The following ZNF362 variants were observed in gnomAD, a reference collection of about 807,000 sequenced individuals.
ZNF362 encodes zinc finger protein 362.
A neutral mutation model predicts 42.9 loss-of-function variants in ZNF362; 11 were observed. The ratio of observed to expected loss-of-function variants is 0.26; its 90% CI spans 0.16 to 0.42. ZNF362 has a LOEUF of 0.42. Ranked by LOEUF, ZNF362 falls within the 20% of genes least tolerant of loss-of-function variation. ZNF362 has a pLI of 1.00. For missense variants in ZNF362, 362 were observed against 576.2 expected (o/e 0.63, Z 3.81); for synonymous variants, 255 against 257.3 (o/e 0.99, Z 0.09).
Position 33,276,430 on chromosome 1 carries a change from CG to C in ZNF362, c.187del (p.Ala63ProfsTer8). Reference sequence around the variant, plus strand: ...AGGCCGCCTCACCTGCCGCCCACGTCGGCCTCGTCGCAGCAGCCGTTGCTAG... The same window carrying C: ...AGGCCGCCTCACCTGCCGCCCACGTCGCCTCGTCGCAGCAGCCGTTGCTAG... ...KIRPPHLPPT[S>X]ASSQQPLLVP... On this transcript the variant is annotated frameshift_variant, in exon 4 of 9. Transcript: ENST00000539719. LOFTEE classifies it high-confidence loss of function. 6.3e-7 allele frequency: 1 copy of C among 1,581,612 alleles called. No individual in the cohort carries two copies. Among genetic ancestry groups the C allele is most frequent in the Non-Finnish European group, 8.6e-7 (1 of 1,165,324 alleles).
the ZNF362 span, among the ~76,000 whole-genome samples, chr1:33,135,968 CT>C: frequency 2.2e-5 from 3 of 136,836 alleles, no homozygotes; most frequent in African/African-American, 8.0e-5. Context: ...GTATTTCTTT[CT>C]TTGGGACTTG....
At chr1:33,132,239 C>A in the ZNF362 span, among the ~76,000 whole-genome samples, 4 of 152,338 alleles carry the variant, frequency 2.6e-5, no homozygotes, top group African/African-American at 9.6e-5. Context: ...TAAAAGGCAG[C>A]GTGAGCTCTC....
Position 33,266,800 on chromosome 1 carries a change from TG to T in ZNF362, c.-88-3682del, listed in dbSNP as rs1645867956. On this transcript the variant is annotated intron_variant, in intron 1 of 8. Coordinates refer to ENST00000539719, the MANE Select transcript of ZNF362 (RefSeq NM_152493.3). This position sits in a 1 kb window ranked among gnomAD's most constrained non-coding sequence, Gnocchi z 4.3. ...CATGGCACATCAGATCACCTTGTTCTGGGGGCCCTGATGCTGGAGGGATGCT... is the reference window on the plus strand; with the variant it reads ...CATGGCACATCAGATCACCTTGTTCTGGGGCCCTGATGCTGGAGGGATGCT... Among the ~76,000 whole-genome samples the T allele has an allele frequency of 6.6e-6, 1 of 152,186 alleles. No homozygotes were observed. Among genetic ancestry groups the T allele is most frequent in the South Asian group, 2.1e-4 (1 of 4,834 alleles).
the ZNF362 span, among the ~76,000 whole-genome samples, chr1:33,193,987 A>G: frequency 6.6e-6 from 1 of 152,226 alleles, no homozygotes; most frequent in Non-Finnish European, 1.5e-5. Context: ...GAACAACCTG[A>G]GAAATTTTAA....
chr1:33,272,285 G>A (rs1645910041), intron 2 of ZNF362, among the ~76,000 whole-genome samples: 1 of 152,182 alleles, frequency 6.6e-6, no homozygotes, highest in Non-Finnish European at 1.5e-5. Flanking sequence ...GAAGCTTATG[G>A]CTCACTTGTC....
chr1:33,241,691 AAAG>A, the ZNF362 span, among the ~76,000 whole-genome samples: 1 of 152,186 alleles, frequency 6.6e-6, no homozygotes, highest in Non-Finnish European at 1.5e-5. Flanking sequence ...ATCAAATCTC[AAAG>A]AAGAGAGTTG....
At chr1:33,169,919 A>G in the ZNF362 span, among the ~76,000 whole-genome samples, 1 of 152,116 alleles carries the variant, frequency 6.6e-6, no homozygotes, top group South Asian at 2.1e-4. Context: ...CAAGACCCAG[A>G]TCAAATGTCA....
rs531793855 is a variant in ZNF362 at position 33,278,063 on chromosome 1, A to G, written c.349+1469A>G. On this transcript the variant is annotated intron_variant, in intron 4 of 8. Coordinates refer to ENST00000539719, the MANE Select transcript of ZNF362 (RefSeq NM_152493.3). Reference sequence around the variant, plus strand: ...AGCCGCACTCTGTATGTCCCCTGTTATTATGATTTTATTAAATTTATTTTT... The same window carrying G: ...AGCCGCACTCTGTATGTCCCCTGTTGTTATGATTTTATTAAATTTATTTTT... Among the ~76,000 whole-genome samples, 7 of 152,362 alleles carry G rather than the reference A, an allele frequency of 4.6e-5. No homozygotes were observed. The East Asian group carries it at 9.6e-4, about 21-fold the overall frequency.
At chr1:33,227,066 G>T in the ZNF362 span, among the ~76,000 whole-genome samples, 1 of 152,062 alleles carries the variant, frequency 6.6e-6, no homozygotes, top group Non-Finnish European at 1.5e-5. Flanking sequence ...TAGGGTACAA[G>T]GTTTCTTTTT....
the ZNF362 span, among the ~76,000 whole-genome samples, chr1:33,139,724 C>T: frequency 2.6e-5 from 4 of 152,160 alleles, no homozygotes; most frequent in South Asian, 6.2e-4. Context: ...GGCTGTGGTG[C>T]GTGGCCATTA....
chr1:33,172,034 G>A, the ZNF362 span, among the ~76,000 whole-genome samples: 87 of 152,192 alleles, frequency 5.7e-4, no homozygotes, highest in Non-Finnish European at 5.9e-4. Context: ...TGCCTACCTT[G>A]GCCTCCCAAA....
chr1:33,149,572 A>G, the ZNF362 span, among the ~76,000 whole-genome samples: 1 of 152,078 alleles, frequency 6.6e-6, no homozygotes, highest in Non-Finnish European at 1.5e-5. Flanking sequence ...CTCCTGCTTC[A>G]GCCTCTTGAG....
intron 2 of ZNF362, among the ~76,000 whole-genome samples, chr1:33,272,052 TC>T (rs35937563): frequency 0.16 from 24,876 of 152,026 alleles, 2,518 homozygotes; most frequent in South Asian, 0.26. Flanking sequence ...GAGAGGGGGC[TC>T]CCGCTCTGTC....
At chr1:33,196,807 T>C in the ZNF362 span, among the ~76,000 whole-genome samples, 1 of 152,158 alleles carries the variant, frequency 6.6e-6, no homozygotes. Flanking sequence ...ACTACAAACA[T>C]GTGAGTAATA....
chr1:33,211,166 C>A, the ZNF362 span, among the ~76,000 whole-genome samples: 1 of 152,108 alleles, frequency 6.6e-6, no homozygotes, highest in African/African-American at 2.4e-5. Context: ...ATCTCCTGAC[C>A]TTGTGATCTG....
At chr1:33,157,100 T>C in the ZNF362 span, among the ~76,000 whole-genome samples, 3 of 151,906 alleles carry the variant, frequency 2.0e-5, no homozygotes, top group African/African-American at 7.3e-5. Flanking sequence ...TTCACGTCAC[T>C]TCATGGCTCC....
the ZNF362 span, among the ~76,000 whole-genome samples, chr1:33,153,492 G>A: frequency 6.6e-6 from 1 of 152,160 alleles, no homozygotes; most frequent in East Asian, 1.9e-4. Context: ...CTGGCTACTG[G>A]CATCTAATGG....
At chr1:33,132,221 AT>A in the ZNF362 span, among the ~76,000 whole-genome samples, 1 of 152,190 alleles carries the variant, frequency 6.6e-6, no homozygotes, top group African/African-American at 2.4e-5. Context: ...TCCAGCCACT[AT>A]GTTCCCTAAA....
At chr1:33,276,010 G>GGA in intron 2 of ZNF362, 90 bp from the exon 3 acceptor site, 1 of 1,443,000 alleles carries the variant, frequency 6.9e-7, no homozygotes, top group Non-Finnish European at 9.7e-7. Context: ...CCAGACACTG[G>GGA]CCCTGACTTG....
Sources: gnomAD v4.1 joint callset for allele counts (sites outside exome capture counted in the v4.1 genomes callset) on GRCh38, gnomAD v4.1.1 for gene constraint, Gnocchi (gnomAD v3.1) non-coding constraint, MANE v1.5 for transcripts, NCBI Gene and HGNC (gene_info 2026-07-23, HGNC 2026-07-21) for gene names.